CERS4: variants seen among roughly 807,000 people sequenced by gnomAD.
CERS4 encodes the protein LAG1 homolog, ceramide synthase 4.
Under a neutral mutation model 51.8 loss-of-function variants are expected in CERS4, and 65 were observed. The ratio of observed to expected loss-of-function variants is 1.26; its 90% confidence interval spans 1.03 to 1.54. The LOEUF (loss-of-function observed/expected upper bound fraction) is 1.54, where lower values mean the gene tolerates loss of function less well. CERS4 is among the 40% of genes most tolerant of loss of function. The pLI is 0.00. For synonymous variants in CERS4, 228 were observed against 208.4 expected (o/e 1.09, Z -0.81); for missense variants, 563 against 500.4 (o/e 1.13, Z -1.19).
At chr19:8,224,104 TAAAAAAAAA>T (rs746066578) in intron 2 of CERS4, among the ~76,000 whole-genome samples, 1 of 65,480 alleles carries the variant, frequency 1.5e-5, no homozygotes, top group East Asian at 4.4e-4. Flanking sequence ...ACTCCGTCTT[TAAAAAAAAA>T]AAAAAAAAAA....
intron 2 of CERS4, among the ~76,000 whole-genome samples, chr19:8,245,127 A>ACAAAAAAAAACAAAAC (rs1198999411): frequency 3.2e-4 from 46 of 142,188 alleles, no homozygotes; most frequent in South Asian, 4.5e-4. Flanking sequence ...AAAAAAAAAA[A>ACAAAAAAAAACAAAAC]AAAAAAAACA....
At chr19:8,241,881 A>G (rs1968553644) in intron 2 of CERS4, among the ~76,000 whole-genome samples, 2 of 152,210 alleles carry the variant, frequency 1.3e-5, no homozygotes, top group South Asian at 4.1e-4. Context: ...ACTGAGGCCC[A>G]GGAAGACAGA....
intron 2 of CERS4, among the ~76,000 whole-genome samples, chr19:8,243,937 C>G (rs1433865233): frequency 6.6e-6 from 1 of 152,212 alleles, no homozygotes; most frequent in Non-Finnish European, 1.5e-5. Flanking sequence ...GTTCTTCAGA[C>G]TGGAAGGCTG....
intron 2 of CERS4, among the ~76,000 whole-genome samples, chr19:8,248,284 A>G (rs1968877661): frequency 6.6e-6 from 1 of 152,180 alleles, no homozygotes; most frequent in African/African-American, 2.4e-5. Flanking sequence ...GTACAAGTCA[A>G]TTGGAGAATA....
chr19:8,220,076 C>T (rs1052189270), intron 2 of CERS4, among the ~76,000 whole-genome samples: 7 of 152,076 alleles, frequency 4.6e-5, no homozygotes, highest in African/African-American at 1.4e-4. Context: ...TCCTCCCTCT[C>T]GGATGATGCC....
rs80055361 is a variant in CERS4, at chr19:8,256,539, C to T, written c.520-79C>T. The T allele has an allele frequency of 4.5e-4, 602 of 1,343,692 alleles. 8 individuals carry two copies. In the East Asian group the frequency reaches 0.013, roughly 29 times the overall value. The allele number at this position is 1,343,692 out of a possible 1,614,324, so 83.2% of individuals were successfully genotyped here. A position where few individuals can be genotyped will look rare whatever the true frequency, so the allele number is the denominator to read the frequency against. ...TTCAAGTATCCTGGTTTTGAGCAAA[C>T]GGAGTGGGCCCGGAGCCATACCCCT... On this transcript the variant is annotated intron_variant, in intron 7 of 11. Transcript: ENST00000251363.
At chr19:8,259,137 A>AT (rs1292950626) in intron 10 of CERS4, among the ~76,000 whole-genome samples, 1 of 152,116 alleles carries the variant, frequency 6.6e-6, no homozygotes, top group Non-Finnish European at 1.5e-5. Flanking sequence ...CTGTCTCTAA[A>AT]TAAAAAAAAG....
intron 2 of CERS4, among the ~76,000 whole-genome samples, chr19:8,248,631 G>A (rs1479236090): frequency 6.6e-6 from 1 of 151,724 alleles, no homozygotes; most frequent in African/African-American, 2.4e-5. Flanking sequence ...CAGGTGGACA[G>A]ATGTTTGGAT....
chr19:8,237,002 CA>C (rs781273995), intron 2 of CERS4, among the ~76,000 whole-genome samples: 362 of 44,938 alleles, frequency 8.1e-3, no homozygotes, highest in Middle Eastern at 0.029. Flanking sequence ...GACTCTGTCT[CA>C]AAAAAAAAAA....
At chr19:8,249,527 C>G (rs1479276381) in intron 2 of CERS4, among the ~76,000 whole-genome samples, 1 of 150,932 alleles carries the variant, frequency 6.6e-6, no homozygotes, top group African/African-American at 2.4e-5. Flanking sequence ...AGAGACCCCC[C>G]TGAAATTCCC....
At chr19:8,248,871 T>TGATG (rs372913491) in intron 2 of CERS4, among the ~76,000 whole-genome samples, 1 of 136,734 alleles carries the variant, frequency 7.3e-6, no homozygotes, top group Non-Finnish European at 1.6e-5. Context: ...GGTGGATGGA[T>TGATG]GGTGGGTGGG....
chr19:8,232,118 C>G (rs1189711709), intron 2 of CERS4, among the ~76,000 whole-genome samples: 1 of 151,580 alleles, frequency 6.6e-6, no homozygotes, highest in African/African-American at 2.4e-5. Flanking sequence ...GCATGAGTTA[C>G]GACACCCGGC....
chr19:8,232,849 AG>A (rs2145213577), intron 2 of CERS4, among the ~76,000 whole-genome samples: 1 of 145,800 alleles, frequency 6.9e-6, no homozygotes, highest in Non-Finnish European at 1.5e-5. Context: ...CCTCCTAGAG[AG>A]TAGCTAGGAC....
rs3042169 is a variant in CERS4, at chr19:8,231,851, A to ATTTTTTTTTTTTTTTT, written c.-1-19218_-1-19203dup. On this transcript the variant is annotated intron_variant, in intron 2 of 11. Transcript: ENST00000251363. ...ACAAGCATGAGGCACTGTGCCCAGC[A>ATTTTTTTTTTTTTTTT]TTTTTTTTTTTTTTTTTTTTTTAGA... Among the ~76,000 whole-genome samples, 431 of 104,366 alleles carry ATTTTTTTTTTTTTTTT rather than the reference A, an allele frequency of 4.1e-3. 33 individuals are homozygous for ATTTTTTTTTTTTTTTT. The highest frequency in any genetic ancestry group is 0.016 in the African/African-American group (392 of 23,974). The allele number at this position is 104,366 out of a possible 152,430, so 68.5% of individuals were successfully genotyped here.
chr19:8,221,391 G>T (rs1864267605), intron 2 of CERS4, among the ~76,000 whole-genome samples: 1 of 152,112 alleles, frequency 6.6e-6, no homozygotes. Flanking sequence ...ACTGCACTTT[G>T]TTTTGTGTTC....
At chr19:8,257,131 G>A in intron 9 of CERS4, 54 bp downstream of exon 9, 2 of 1,524,728 alleles carry the variant, frequency 1.3e-6, no homozygotes, top group Non-Finnish European at 1.8e-6. Context: ...GCCCTCCCAG[G>A]TGCCCCAGAG....
At chr19:8,238,727 G>A (rs774462200) in intron 2 of CERS4, among the ~76,000 whole-genome samples, 25 of 152,106 alleles carry the variant, frequency 1.6e-4, no homozygotes, top group Non-Finnish European at 2.6e-4. Flanking sequence ...TGCAATAGGG[G>A]AGGAGGCTGG....
chr19:8,251,367 G>A, intron 3 of CERS4, 118 bp downstream of exon 3: 1 of 1,432,654 alleles, frequency 7.0e-7, no homozygotes, highest in South Asian at 1.5e-5. Context: ...TTGCACCAAA[G>A]CGCGTTCCCT....
At chr19:8,240,768 G>C (rs931348379) in intron 2 of CERS4, among the ~76,000 whole-genome samples, 3 of 152,152 alleles carry the variant, frequency 2.0e-5, no homozygotes, top group African/African-American at 7.2e-5. Flanking sequence ...AGGGTCCTTG[G>C]GGGTTCGGGG....
Sources: gnomAD v4.1 joint callset for allele counts (sites outside exome capture counted in the v4.1 genomes callset) on GRCh38, gnomAD v4.1.1 for gene constraint, MANE v1.5 for transcripts, NCBI Gene and HGNC (gene_info 2026-07-23, HGNC 2026-07-21) for gene names.